Variants in COG6 observed in about 807,000 individuals in gnomAD.
COG6 encodes component of oligomeric golgi complex 6, also known as conserved oligomeric Golgi complex subunit 6.
Under a neutral mutation model 88.8 loss-of-function variants are expected in COG6, and 74 were observed. The observed-to-expected ratio is 0.83, with a 90% CI of 0.69 to 1.01. The LOEUF (loss-of-function observed/expected upper bound fraction) is 1.01. Ranked by LOEUF, COG6 falls within the 50% of genes least tolerant of loss-of-function variation. COG6 has a pLI of 0.00. For missense variants in COG6, 800 were observed against 797.9 expected, an observed-to-expected ratio of 1.00 and a Z score of -0.03; for synonymous variants, 286 against 278.7, an observed-to-expected ratio of 1.03 and a Z score of -0.26.
At chr13:39,663,180 C>T (rs1278394634) in intron 3 of COG6, among the ~76,000 whole-genome samples, 1 of 151,640 alleles carries the variant, frequency 6.6e-6, no homozygotes, top group African/African-American at 2.4e-5. Flanking sequence ...GGTTAATCTT[C>T]ATTAATATTA....
intron 18 of COG6, among the ~76,000 whole-genome samples, chr13:39,736,901 G>A (rs759910438): frequency 1.2e-4 from 18 of 152,236 alleles, no homozygotes; most frequent in South Asian, 2.1e-4. Flanking sequence ...ATCAGTGTCT[G>A]GGCATCGAAG....
At chr13:39,689,105 G>A (rs1876835017) in intron 10 of COG6, among the ~76,000 whole-genome samples, 1 of 152,186 alleles carries the variant, frequency 6.6e-6, no homozygotes, top group African/African-American at 2.4e-5. Flanking sequence ...TTAAATAAAT[G>A]TGTTTCCTTA....
intron 18 of COG6, among the ~76,000 whole-genome samples, chr13:39,740,072 T>C (rs551798156): frequency 9.8e-5 from 15 of 152,296 alleles, no homozygotes; most frequent in African/African-American, 2.9e-4. Flanking sequence ...ATAATGAAAC[T>C]TATAAAAATT....
At position 39,660,851 on chromosome 13, in the gene COG6, CTG is replaced by C; in HGVS notation, c.341_342del (p.Cys114LeufsTer24). The C allele has an allele frequency of 6.2e-7, 1 of 1,610,628 alleles. No homozygotes were observed. Among genetic ancestry groups the C allele is most frequent in the African/African-American group, 1.3e-5 (1 of 74,976 alleles). ...GCGAAGATGTTCAAGCAATGAGCAA[CTG>C]TTGTCAAGATATGACAAGTCGCCTA... ...ISEDVQAMSN[C>X]CQDMTSRLQA... On this transcript the variant is annotated frameshift_variant, in exon 3 of 19. Coordinates refer to ENST00000455146, the MANE Select transcript of COG6 (RefSeq NM_020751.3). LOFTEE classifies it high-confidence loss of function.
rs1342958930 is a variant in COG6, at chr13:39,682,175, A to G, written c.699A>G (p.Glu233=). Residue 233 remains glutamate, a synonymous_variant, in exon 8 of 19, where the codon GAA becomes GAG. Transcript: ENST00000455146. ...ATAATGTTAATTATTTTTCAGGTGA[A>G]TGCAGAACATTGACACAAGAATCAT... ...YERLYRWAQS[E]CRTLTQESCD... is the part of the protein sequence containing the mutation. The G allele has an allele frequency of 2.5e-6, 4 of 1,605,474 alleles. No individual in the cohort carries two copies. Among genetic ancestry groups the G allele is most frequent in the East Asian group, 2.2e-5 (1 of 44,734 alleles).
chr13:39,775,879 C>T (rs990730522), intron 18 of COG6, among the ~76,000 whole-genome samples: 1 of 151,648 alleles, frequency 6.6e-6, no homozygotes, highest in African/African-American at 2.4e-5. Context: ...AAGTGATTCT[C>T]CTACCTCAGC....
intron 8 of COG6, among the ~76,000 whole-genome samples, chr13:39,683,765 C>A (rs1876459560): frequency 6.7e-6 from 1 of 149,844 alleles, no homozygotes; most frequent in African/African-American, 2.4e-5. Flanking sequence ...AAAAGCCTTT[C>A]TGTGTTTTGG....
rs916996485 is a variant in COG6 at position 39,750,448 on chromosome 13, T to C, written c.1827-498T>C. ...TGTCACATTTTAGCTTGGGGTGATA[T>C]AGAGAGATGAAGAGAAAGCTAGGAG... is the stretch of plus-strand genomic sequence containing the variant. On this transcript the variant is annotated intron_variant, in intron 18 of 18. Coordinates refer to ENST00000455146, the MANE Select transcript of COG6 (RefSeq NM_020751.3). Among the ~76,000 whole-genome samples, 5 of 152,288 alleles carry C rather than the reference T, an allele frequency of 3.3e-5. 1 individual carries two copies. The highest frequency in any genetic ancestry group is 3.9e-4 in the East Asian group (2 of 5,188).
chr13:39,749,959 G>C (rs550396494), intron 18 of COG6, among the ~76,000 whole-genome samples: 5 of 152,180 alleles, frequency 3.3e-5, no homozygotes, highest in Admixed American at 6.6e-5. Context: ...GAATATTGAA[G>C]AGACTGAAAG....
At chr13:39,714,471 A>G (rs757033799) in intron 13 of COG6, among the ~76,000 whole-genome samples, 57 of 152,178 alleles carry the variant, frequency 3.7e-4, no homozygotes, top group Non-Finnish European at 2.8e-4. Context: ...AATGAGATGA[A>G]CAGCCATTTC....
chr13:39,774,204 C>T (rs1881398232), intron 18 of COG6, among the ~76,000 whole-genome samples: 1 of 152,176 alleles, frequency 6.6e-6, no homozygotes, highest in South Asian at 2.1e-4. Context: ...TTATTCTTTC[C>T]CAAACCACAT....
At chr13:39,745,817 A>G (rs28635831) in intron 18 of COG6, among the ~76,000 whole-genome samples, 41,687 of 152,074 alleles carry the variant, frequency 0.27, 6,224 homozygotes, top group Non-Finnish European at 0.35. Flanking sequence ...ACAATAGCAA[A>G]GACTTGGAAC....
chr13:39,737,569 C>T (rs953022035), intron 18 of COG6, among the ~76,000 whole-genome samples: 7 of 150,272 alleles, frequency 4.7e-5, no homozygotes, highest in African/African-American at 7.4e-5. Context: ...CTGTCTCAAG[C>T]AGAAGGAAGG....
At chr13:39,790,619 T>C (rs892375191) in exon 19 of COG6, 1 of 152,094 alleles carries the variant, frequency 6.6e-6, no homozygotes, top group African/African-American at 2.4e-5. Flanking sequence ...AATCATCTCC[T>C]GTAGTTAAAA....
chr13:39,677,668 TA>T (rs1325195774), intron 5 of COG6, 89 bp downstream of exon 5: 16 of 683,054 alleles, frequency 2.3e-5, no homozygotes, highest in Non-Finnish European at 3.7e-5. Context: ...ATTTTCCCAT[TA>T]AAAAAAGTTT....
chr13:39,749,480 A>G (rs1880511283), intron 18 of COG6, among the ~76,000 whole-genome samples: 1 of 152,224 alleles, frequency 6.6e-6, no homozygotes, highest in Non-Finnish European at 1.5e-5. Flanking sequence ...ACCCCTTCCT[A>G]ATACAAAGCT....
rs533988069 is a variant in COG6 at position 39,656,126 on chromosome 13, A to G, written c.153+247A>G. On this transcript the variant is annotated intron_variant, in intron 1 of 18. Coordinates refer to ENST00000455146, the MANE Select transcript of COG6 (RefSeq NM_020751.3). ...CTCTCCACCTGAAAAGGTGCCTTCA[A>G]GGCTCTCTGGATGGGATTGGTGAAC... 89 of 647,460 alleles carry G rather than the reference A, an allele frequency of 1.4e-4. No individual in the cohort carries two copies. In the African/African-American group the frequency reaches 1.5e-3, roughly 11 times the overall value. The allele number at this position is 647,460 out of a possible 1,614,324, so 40.1% of individuals were successfully genotyped here. A position where few individuals can be genotyped will look rare whatever the true frequency, so the allele number is the denominator to read the frequency against.
intron 18 of COG6, among the ~76,000 whole-genome samples, chr13:39,779,327 A>C (rs1229614164): frequency 6.6e-6 from 1 of 152,216 alleles, no homozygotes; most frequent in Non-Finnish European, 1.5e-5. Flanking sequence ...CAGAGACAAG[A>C]ACAAAAGATG....
chr13:39,709,402 G>C (rs1188281212), intron 13 of COG6, among the ~76,000 whole-genome samples: 2 of 151,944 alleles, frequency 1.3e-5, no homozygotes. Flanking sequence ...CCTGAGTACT[G>C]TATATTGCAC....
Sources: allele counts gnomAD v4.1 joint callset (sites outside exome capture counted in the v4.1 genomes callset), GRCh38; gene constraint gnomAD v4.1.1; transcripts MANE v1.5; gene names NCBI Gene and HGNC (gene_info 2026-07-23, HGNC 2026-07-21).